The following APC variants were observed in gnomAD, a reference collection of about 807,000 sequenced individuals.
APC encodes adenomatous polyposis coli protein.
A neutral mutation model predicts 247.0 loss-of-function variants in APC; 72 were observed. The ratio of observed to expected loss-of-function variants is 0.29; its 90% confidence interval spans 0.24 to 0.35. APC has a LOEUF of 0.35. Ranked by LOEUF, APC falls within the 10% of genes least tolerant of loss-of-function variation. The pLI, the probability that APC is intolerant of heterozygous loss-of-function variation, is 1.00. For missense variants in APC, 3,400 were observed against 3,360.7 expected, an observed-to-expected ratio of 1.01 and a Z score of -0.29; for synonymous variants, 1,254 against 1,162.5, an observed-to-expected ratio of 1.08 and a Z score of -1.60.
intron 5 of APC, 47 bp from the exon 6 acceptor site, chr5:112,780,741 TTA>T (rs1486785038): frequency 7.5e-7 from 1 of 1,340,862 alleles, no homozygotes; most frequent in Non-Finnish European, 1.1e-6. Flanking sequence ...CTTTTACTGA[TTA>T]ACGTAAATAC....
chr5:112,842,520 C>T lies in APC; in HGVS notation c.6926C>T (p.Pro2309Leu), dbSNP rs1060503329. ...PSRSGSRDST[P>L]SRPAQQPLSR... Reference sequence around the variant, plus strand: ...AGATCAGGATCTAGAGATTCGACCCCTTCAAGACCTGCCCAGCAACCATTA... The same window carrying T: ...AGATCAGGATCTAGAGATTCGACCCTTTCAAGACCTGCCCAGCAACCATTA... The change falls in exon 16 of 16, where the codon CCT becomes CTT. Residue 2309 changes from proline to leucine, a missense_variant. Coordinates refer to ENST00000257430, the MANE Select transcript of APC (RefSeq NM_000038.6). The T allele has an allele frequency of 1.9e-6, 3 of 1,614,062 alleles. No individual in the cohort carries two copies. The highest frequency in any genetic ancestry group is 1.7e-6 in the Non-Finnish European group (2 of 1,179,984).
intron 5 of APC, chr5:112,777,884 A>C (rs1398378511): frequency 9.3e-6 from 2 of 215,058 alleles, no homozygotes; most frequent in Non-Finnish European, 2.0e-5. Flanking sequence ...TCTTTGATTT[A>C]CTGTCATCAG....
rs730881236 is a variant in APC at position 112,821,974 on chromosome 5, A to T, written c.1391A>T (p.His464Leu). The stretch of plus-strand genomic sequence containing the variant: ...CTTTCATTTGATGAAGAGCATAGAC[A>T]TGCAATGAATGAACTAGGTAAGACA... ...MKLSFDEEHR[H>L]AMNELGGLQA... The change falls in exon 11 of 16, where the codon CAT becomes CTT. Residue 464 changes from histidine to leucine, a missense_variant. This residue lies in a region of APC where 199 missense variants were observed against 212.5 expected (regional missense o/e 0.94). Coordinates refer to ENST00000257430, the MANE Select transcript of APC (RefSeq NM_000038.6). 1 of 1,611,258 alleles carries T rather than the reference A, an allele frequency of 6.2e-7. No homozygotes were observed. Among genetic ancestry groups the T allele is most frequent in the East Asian group, 2.2e-5 (1 of 44,792 alleles).
chr5:112,805,093 G>C (rs772923332), intron 8 of APC, among the ~76,000 whole-genome samples: 7 of 151,612 alleles, frequency 4.6e-5, no homozygotes, highest in Non-Finnish European at 7.4e-5. Context: ...ATGTGTGGGA[G>C]AATGTTCTTT....
chr5:112,839,614 T>G lies in APC; in HGVS notation c.4020T>G (p.Ser1340=). Residue 1340 remains serine (S), a synonymous_variant, in exon 16 of 16, where the codon TCT becomes TCG. Transcript: ENST00000257430. This position sits in a 1 kb window ranked among gnomAD's most constrained non-coding sequence, Gnocchi z 5.0. The part of the protein sequence containing the change: ...PRTKSSRLQG[S]SLSSESARHK... ...CCAAATCCAGCAGACTGCAGGGTTC[T>G]AGTTTATCTTCAGAATCAGCCAGGC... 6.2e-7 allele frequency: 1 copy of G among 1,614,170 alleles called. No individual in the cohort carries two copies. The highest frequency in any genetic ancestry group is 8.5e-7 in the Non-Finnish European group (1 of 1,180,024).
intron 1 of APC, among the ~76,000 whole-genome samples, chr5:112,740,421 T>C (rs182028279): frequency 1.3e-5 from 2 of 152,248 alleles, no homozygotes. Context: ...TGCTCTGATA[T>C]GGCCTGAATT....
intron 2 of APC, 187 bp downstream of exon 2, chr5:112,755,212 T>C (rs1452360946): frequency 4.4e-6 from 2 of 452,810 alleles, no homozygotes; most frequent in Non-Finnish European, 5.8e-6. Flanking sequence ...CAGTGAATCA[T>C]ATAAAGAAAA....
intron 1 of APC, among the ~76,000 whole-genome samples, chr5:112,727,501 A>G (rs1751855689): frequency 6.6e-6 from 1 of 152,150 alleles, no homozygotes; most frequent in South Asian, 2.1e-4. Flanking sequence ...CCCTATATTT[A>G]TTCTTTCATA....
intron 1 of APC, among the ~76,000 whole-genome samples, chr5:112,731,420 A>G (rs556435224): frequency 6.6e-6 from 1 of 152,316 alleles, no homozygotes; most frequent in East Asian, 1.9e-4. Context: ...TGTCATCCCA[A>G]GGTGGAAGGA....
rs386833393 is a variant in APC at position 112,839,966 on chromosome 5, CCTA to C, written c.4375_4377del (p.Thr1459del). On this transcript the variant is annotated inframe_deletion, in exon 16 of 16. Coordinates refer to ENST00000257430, the MANE Select transcript of APC (RefSeq NM_000038.6). This position sits in a 1 kb window ranked among gnomAD's most constrained non-coding sequence, Gnocchi z 5.0. ...GCGAGAAGTACCTAAAAATAAAGCA[CCTA>C]CTGCTGAAAAGAGAGAGAGTGGACC... 34 of 1,613,962 alleles carry C rather than the reference CCTA, an allele frequency of 2.1e-5. No homozygotes were observed. The highest frequency in any genetic ancestry group is 2.7e-5 in the African/African-American group (2 of 74,884).
intron 1 of APC, among the ~76,000 whole-genome samples, chr5:112,744,416 A>G (rs1753407413): frequency 6.6e-6 from 1 of 152,154 alleles, no homozygotes; most frequent in South Asian, 2.1e-4. Context: ...GCATTTTGGG[A>G]ATTACAAAAG....
intron 1 of APC, among the ~76,000 whole-genome samples, chr5:112,724,955 C>G (rs982791114): frequency 6.6e-6 from 1 of 152,100 alleles, no homozygotes; most frequent in Non-Finnish European, 1.5e-5. Flanking sequence ...AAGGGTCTTT[C>G]TAACAGCTGG....
chr5:112,836,172 C>CCTCCG (rs1764906396), intron 15 of APC, among the ~76,000 whole-genome samples: 1 of 71,886 alleles, frequency 1.4e-5, no homozygotes. Flanking sequence ...AGGTCCCCCC[C>CCTCCG]CCCCCCCGCC....
At position 112,743,783 on chromosome 5, in the gene APC, G is replaced by GC. The variant is rs111873165; in HGVS notation, c.-19+5860dup. 5.2e-3 allele frequency among the ~76,000 whole-genome samples: 790 copies of GC among 152,210 alleles called. 9 individuals carry two copies. The highest frequency in any genetic ancestry group is 0.018 in the African/African-American group (737 of 41,530). ...TGTCTTACCAGTCATTGAACTTAGG[G>GC]CCACTCTAATCCAGTATGACCTCAT... On this transcript the variant is annotated intron_variant, in intron 1 of 15. Coordinates refer to ENST00000257430, the MANE Select transcript of APC (RefSeq NM_000038.6).
At chr5:112,712,355 A>C (rs1410831258) in intron 1 of APC, among the ~76,000 whole-genome samples, 1 of 152,048 alleles carries the variant, frequency 6.6e-6, no homozygotes, top group Non-Finnish European at 1.5e-5. Flanking sequence ...TCTCTTCACC[A>C]ACCCTCACCT....
At chr5:112,763,827 C>G (rs772381553) in intron 2 of APC, among the ~76,000 whole-genome samples, 1 of 152,192 alleles carries the variant, frequency 6.6e-6, no homozygotes, top group Non-Finnish European at 1.5e-5. Context: ...GATTTTCAGC[C>G]TCTACCCCAG....
intron 11 of APC, among the ~76,000 whole-genome samples, chr5:112,824,472 A>G (rs1419145564): frequency 1.3e-5 from 2 of 152,072 alleles, no homozygotes; most frequent in African/African-American, 4.8e-5. Flanking sequence ...TTTATTAGCC[A>G]TGTTCTTCCT....
At chr5:112,822,715 C>T (rs759834928) in intron 11 of APC, among the ~76,000 whole-genome samples, 1 of 152,144 alleles carries the variant, frequency 6.6e-6, no homozygotes, top group Non-Finnish European at 1.5e-5. Flanking sequence ...TCTAGTCATG[C>T]CACAAGCAAG....
intron 2 of APC, among the ~76,000 whole-genome samples, chr5:112,756,692 A>G (rs1002489155): frequency 2.0e-5 from 3 of 152,132 alleles, no homozygotes; most frequent in East Asian, 1.9e-4. Flanking sequence ...TTGAGAGACA[A>G]TGTAACTTAC....
Sources: allele counts gnomAD v4.1 joint callset (sites outside exome capture counted in the v4.1 genomes callset), GRCh38; gene constraint gnomAD v4.1.1; regional missense constraint gnomAD v4.1.1; non-coding constraint Gnocchi (gnomAD v3.1); transcripts MANE v1.5; gene names NCBI Gene and HGNC (gene_info 2026-07-23, HGNC 2026-07-21).